The following MCCC2 variants were observed in gnomAD, a reference collection of about 807,000 sequenced individuals.
MCCC2 encodes the protein methylcrotonoyl-CoA carboxylase beta chain, mitochondrial.
MCCC2 carries 52 observed loss-of-function variants against 77.2 expected under a neutral mutation model. The observed-to-expected ratio is 0.67, with a 90% CI of 0.54 to 0.85. The LOEUF (loss-of-function observed/expected upper bound fraction) is 0.85, where lower values mean the gene tolerates loss of function less well. MCCC2 is among the 40% of genes least tolerant of loss of function. The pLI is 0.00. For synonymous variants in MCCC2, 253 were observed against 248.4 expected (o/e 1.02, Z -0.18); for missense variants, 682 against 703.2 (o/e 0.97, Z 0.34).
rs1652018580 is a variant in MCCC2, at chr5:71,650,258, G to T, written c.1488+75G>T. On this transcript the variant is annotated intron_variant, in intron 15 of 16. Transcript: ENST00000340941. ...ACACCCTGGAGCCAAGGAGCAGCGTGCCTGGAAGCCCTTGGTGTTCATGGC... is the reference window on the plus strand; with the variant it reads ...ACACCCTGGAGCCAAGGAGCAGCGTTCCTGGAAGCCCTTGGTGTTCATGGC... The T allele has an allele frequency of 1.5e-5, 19 of 1,263,766 alleles. No individual in the cohort carries two copies. The Admixed American group carries it at 3.3e-4, about 22-fold the overall frequency. The allele number at this position is 1,263,766 out of a possible 1,614,324, so 78.3% of individuals were successfully genotyped here. A position where few individuals can be genotyped will look rare whatever the true frequency, so the allele number is the denominator to read the frequency against.
Position 71,592,968 on chromosome 5 carries a change from G to A in MCCC2, c.172G>A (p.Glu58Lys), listed in dbSNP as rs1287237739. ...GAAAGCACTAGTAAATCAGCTCCAT[G>A]AACGAGTGGAGCATATAAAACTAGG... ...QMKALVNQLH[E>K]RVEHIKLGGG... The change falls in exon 2 of 17, where the codon GAA (glutamate) becomes AAA (lysine). Residue 58 changes from glutamate (E) to lysine (K), a missense_variant. Transcript: ENST00000340941. 6.2e-7 allele frequency: 1 copy of A among 1,613,312 alleles called. No individual in the cohort carries two copies. Among genetic ancestry groups the A allele is most frequent in the East Asian group, 2.2e-5 (1 of 44,874 alleles).
chr5:71,646,643 G>A (rs1747282439), intron 13 of MCCC2, among the ~76,000 whole-genome samples: 1 of 152,122 alleles, frequency 6.6e-6, no homozygotes, highest in Admixed American at 6.6e-5. Context: ...TGATACTACA[G>A]ACATGAGCCA....
chr5:71,591,120 G>A (rs915745972), intron 1 of MCCC2, among the ~76,000 whole-genome samples: 5 of 152,202 alleles, frequency 3.3e-5, no homozygotes, highest in Non-Finnish European at 5.9e-5. Context: ...AAATAATGGA[G>A]ATATACTGTA....
chr5:71,593,207 C>A (rs1395406332), intron 2 of MCCC2, among the ~76,000 whole-genome samples: 1 of 151,978 alleles, frequency 6.6e-6, no homozygotes, highest in African/African-American at 2.4e-5. Flanking sequence ...CCTGCCTCAG[C>A]CTCCCAAGTT....
At chr5:71,592,833 C>A (rs753050953) in intron 1 of MCCC2, 93 bp from the exon 2 acceptor site, 6 of 1,010,194 alleles carry the variant, frequency 5.9e-6, no homozygotes, top group Non-Finnish European at 7.7e-6. Context: ...TTGGCACAGA[C>A]CACTGTTTTT....
chr5:71,633,133 T>TATATATATATTTA (rs1561841506), intron 8 of MCCC2, among the ~76,000 whole-genome samples: 3 of 113,020 alleles, frequency 2.7e-5, no homozygotes, highest in African/African-American at 1.3e-4. Flanking sequence ...ATATATATAT[T>TATATATATATTTA]TTTATTTTTT....
intron 8 of MCCC2, 120 bp downstream of exon 8, chr5:71,632,305 G>A (rs1036296905): frequency 5.6e-6 from 5 of 888,186 alleles, no homozygotes; most frequent in Non-Finnish European, 9.4e-6. Flanking sequence ...CAGTTTATTT[G>A]TTCTTGATCT....
intron 7 of MCCC2, among the ~76,000 whole-genome samples, chr5:71,631,689 C>T (rs915982271): frequency 3.9e-5 from 6 of 151,912 alleles, no homozygotes; most frequent in South Asian, 4.1e-4. Context: ...TACAGGCGCC[C>T]GCCACCGCGC....
chr5:71,632,026 A>G (rs45538434), intron 7 of MCCC2, 95 bp from the exon 8 acceptor site: 1 of 1,058,394 alleles, frequency 9.4e-7, no homozygotes, highest in Non-Finnish European at 1.5e-6. Flanking sequence ...AAGAAAAAGT[A>G]CAGGTATAGT....
chr5:71,602,646 A>G lies in MCCC2; in HGVS notation c.511+13A>G. On this transcript the variant is annotated intron_variant, in intron 5 of 16. Transcript: ENST00000340941. Reference sequence around the variant, plus strand: ...TGCATCTACTTAGGCAAGTCACCAGAGTGGTAAAATAAACTATTATTAGCT... The same window carrying G: ...TGCATCTACTTAGGCAAGTCACCAGGGTGGTAAAATAAACTATTATTAGCT... 1 of 1,614,176 alleles carries G rather than the reference A, an allele frequency of 6.2e-7. No individual in the cohort carries two copies. The highest frequency in any genetic ancestry group is 1.7e-5 in the Admixed American group (1 of 60,028).
chr5:71,628,611 T>C (rs1463001633), intron 7 of MCCC2, among the ~76,000 whole-genome samples: 1 of 152,216 alleles, frequency 6.6e-6, no homozygotes, highest in Admixed American at 6.5e-5. Flanking sequence ...ATGCAGTTGT[T>C]CCAGCATCAT....
chr5:71,599,788 G>A (rs1182174611), intron 4 of MCCC2, 28 bp downstream of exon 4: 1 of 1,581,718 alleles, frequency 6.3e-7, no homozygotes, highest in Admixed American at 1.7e-5. Flanking sequence ...GCTTCATAAT[G>A]TGGGTTGAGA....
chr5:71,636,069 T>C (rs1476447329), intron 10 of MCCC2: 2 of 387,124 alleles, frequency 5.2e-6, no homozygotes, highest in East Asian at 7.7e-5. Flanking sequence ...TTACTTTTTC[T>C]AGTTTAAATT....
chr5:71,626,576 C>A, intron 6 of MCCC2, 64 bp from the exon 7 acceptor site: 3 of 1,307,424 alleles, frequency 2.3e-6, no homozygotes, highest in South Asian at 1.2e-5. Context: ...GATTCTGGAT[C>A]AAACACTATA....
At chr5:71,603,116 T>G (rs1247354248) in intron 5 of MCCC2, 1 of 168,634 alleles carries the variant, frequency 5.9e-6, no homozygotes, top group Non-Finnish European at 1.3e-5. Flanking sequence ...CAAAGCAGTT[T>G]AAAATGGGCC....
intron 6 of MCCC2, among the ~76,000 whole-genome samples, chr5:71,605,204 TA>T (rs1475250537): frequency 2.0e-5 from 3 of 146,490 alleles, no homozygotes; most frequent in Non-Finnish European, 4.5e-5. Flanking sequence ...ACCAACAGTG[TA>T]AAAGTGTTCC....
intron 6 of MCCC2, among the ~76,000 whole-genome samples, chr5:71,621,738 A>G (rs1746354381): frequency 6.6e-6 from 1 of 151,852 alleles, no homozygotes. Flanking sequence ...TGATTACCAG[A>G]GGCTGGGAAT....
chr5:71,630,560 TC>T (rs1561839922), intron 7 of MCCC2, among the ~76,000 whole-genome samples: 1 of 152,148 alleles, frequency 6.6e-6, no homozygotes, highest in Non-Finnish European at 1.5e-5. Flanking sequence ...ACTTTAAATA[TC>T]CAGACACCTC....
chr5:71,616,050 A>G (rs1024109105), intron 6 of MCCC2, among the ~76,000 whole-genome samples: 7 of 152,102 alleles, frequency 4.6e-5, no homozygotes, highest in Non-Finnish European at 7.4e-5. Flanking sequence ...AAATCCCTAA[A>G]TGGTGTTCAG....
Sources: gnomAD v4.1 joint callset for allele counts (sites outside exome capture counted in the v4.1 genomes callset) on GRCh38, gnomAD v4.1.1 for gene constraint, MANE v1.5 for transcripts, NCBI Gene and HGNC (gene_info 2026-07-23, HGNC 2026-07-21) for gene names.